The following WDR86 variants were observed in gnomAD, a reference collection of about 807,000 sequenced individuals.
WDR86 encodes the protein WD repeat domain 86, also known as WD repeat-containing protein 86.
In WDR86, 30 loss-of-function variants were observed where a neutral mutation model predicts 36.5. The ratio of observed to expected loss-of-function variants is 0.82; its 90% confidence interval spans 0.61 to 1.11. WDR86 has a LOEUF of 1.11. Among genes scored for constraint, WDR86 ranks in the 50% most tolerant of loss-of-function variants. The pLI, the probability that WDR86 is intolerant of heterozygous loss-of-function variation, is 0.00. For missense variants in WDR86, 545 were observed against 561.2 expected (o/e 0.97, Z 0.29); for synonymous variants, 255 against 252.9 (o/e 1.01, Z -0.08).
At chr7:151,382,118 G>A (rs1256796738) in intron 4 of WDR86, 137 bp from the exon 5 acceptor site, 2 of 705,184 alleles carry the variant, frequency 2.8e-6, no homozygotes, top group African/African-American at 3.6e-5. Context: ...TATGGGAAGT[G>A]GACAGTGCCC....
chr7:151,399,679 A>G (rs1800137156), intron 2 of WDR86, among the ~76,000 whole-genome samples: 1 of 152,246 alleles, frequency 6.6e-6, no homozygotes, highest in Non-Finnish European at 1.5e-5. Flanking sequence ...GCTTAAAAAT[A>G]TCCTCAACTC....
rs763992498 is a variant in WDR86, at chr7:151,391,570, C to T, written c.726+4206G>A. Reference sequence around the variant, plus strand: ...GGTCCGGCTGGATTCTGTTTCTCTGCGCACCGGGTCTGGGGCCCGACAGTC... The same window carrying T: ...GGTCCGGCTGGATTCTGTTTCTCTGTGCACCGGGTCTGGGGCCCGACAGTC... On this transcript the variant is annotated intron_variant, in intron 3 of 5. Transcript: ENST00000334493. Among the ~76,000 whole-genome samples the T allele has an allele frequency of 5.1e-4, 78 of 152,096 alleles. 1 individual carries two copies. Among genetic ancestry groups the T allele is most frequent in the Non-Finnish European group, 6.9e-4 (47 of 68,022 alleles).
At chr7:151,387,508 G>C (rs1470798875) in intron 3 of WDR86, among the ~76,000 whole-genome samples, 1 of 152,148 alleles carries the variant, frequency 6.6e-6, no homozygotes. Context: ...GGGTGGCCCA[G>C]GGAGGCCTGA....
chr7:151,374,441 T>G, downstream of WDR86: 1 of 704,572 alleles, frequency 1.4e-6, no homozygotes, highest in South Asian at 1.7e-5. Context: ...TGCTCAGTGC[T>G]TGGCCCAGGC....
At chr7:151,389,968 T>C (rs565310103) in intron 3 of WDR86, among the ~76,000 whole-genome samples, 1 of 152,236 alleles carries the variant, frequency 6.6e-6, no homozygotes, top group East Asian at 1.9e-4. Flanking sequence ...TGAGAGCAGT[T>C]TGTGGATGGG....
In WDR86 at chr7:151,381,813, A is replaced by T. The variant is rs1170567275; in HGVS notation, c.966+65T>A. 1.4e-6 allele frequency: 2 copies of T among 1,476,298 alleles called. No homozygotes were observed. Among genetic ancestry groups the T allele is most frequent in the Non-Finnish European group, 1.8e-6 (2 of 1,099,548 alleles). 91.4% of individuals were successfully genotyped at this position (1,476,298 alleles called of 1,614,324 possible). A position where few individuals can be genotyped will look rare whatever the true frequency, so the allele number is the denominator to read the frequency against. On this transcript the variant is annotated intron_variant, in intron 5 of 5. Transcript: ENST00000334493. The surrounding 1 kb of genome is among the most constrained non-coding windows in gnomAD (Gnocchi z 4.8). Reference sequence around the variant, plus strand: ...GGGGGGGACACCGCTGCCCGCGTGGATGGATCGGGGCGGGGCACCTTCCCT... The same window carrying T: ...GGGGGGGACACCGCTGCCCGCGTGGTTGGATCGGGGCGGGGCACCTTCCCT...
intron 3 of WDR86, among the ~76,000 whole-genome samples, chr7:151,385,447 C>T (rs1046689318): frequency 1.3e-5 from 2 of 152,202 alleles, no homozygotes; most frequent in Non-Finnish European, 2.9e-5. Flanking sequence ...CAGGGCTGGC[C>T]GCCCAGCCCC....
downstream of WDR86, chr7:151,376,966 G>C (rs1435297644): frequency 2.8e-6 from 4 of 1,426,204 alleles, no homozygotes; most frequent in East Asian, 1.0e-4. Flanking sequence ...AAGAGGCACA[G>C]TCTGAGGTTG....
chr7:151,400,075 A>G (rs773824777), intron 2 of WDR86, 25 bp downstream of exon 2: 4 of 1,529,634 alleles, frequency 2.6e-6, no homozygotes, highest in Admixed American at 1.9e-5. Flanking sequence ...GGTGAGACTC[A>G]GCCCAAGCCC....
chr7:151,400,649 C>T (rs987081377), intron 1 of WDR86, among the ~76,000 whole-genome samples: 11 of 152,226 alleles, frequency 7.2e-5, no homozygotes, highest in African/African-American at 2.7e-4. Flanking sequence ...TCCCAAAGTG[C>T]TGGAATTACA....
chr7:151,394,680 C>G (rs1276718436), intron 3 of WDR86, among the ~76,000 whole-genome samples: 1 of 152,262 alleles, frequency 6.6e-6, no homozygotes, highest in Non-Finnish European at 1.5e-5. Flanking sequence ...CTAAGGGCTG[C>G]CTGGCAGCAC....
In WDR86 at chr7:151,395,862, C is replaced by T. The variant is rs371934265; in HGVS notation, c.640G>A (p.Asp214Asn). The change falls in exon 3 of 6, where the codon GAC becomes AAC. Residue 214 changes from aspartate (D) to asparagine (N), a missense_variant. By Grantham distance (23) the Asp-to-Asn change is conservative. Coordinates refer to ENST00000334493, the MANE Select transcript of WDR86 (RefSeq NM_198285.3). The stretch of plus-strand genomic sequence containing the variant: ...ATGTCCCAGGCACGGATGGTGGCGT[C>T]GGTGCTGCCTGTGAAGGCCGTGTGG... ...PGHTAFTGST[D>N]ATIRAWDILS... 32 of 1,595,348 alleles carry T rather than the reference C, an allele frequency of 2.0e-5. No homozygotes were observed. The highest frequency in any genetic ancestry group is 2.7e-5 in the African/African-American group (2 of 74,542).
At chr7:151,379,939 G>A (rs1228024670), downstream of WDR86, among the ~76,000 whole-genome samples, 1 of 152,216 alleles carries the variant, frequency 6.6e-6, no homozygotes, top group African/African-American at 2.4e-5. Context: ...ACTCAAGGCG[G>A]TTCTCTGGCC....
chr7:151,376,631 T>C (rs1798283538), downstream of WDR86: 1 of 1,607,794 alleles, frequency 6.2e-7, no homozygotes, highest in Non-Finnish European at 8.5e-7. Context: ...CGCTCTCCCC[T>C]AGTTGGTGTA....
At chr7:151,382,936 ACCTAT>A in intron 4 of WDR86, among the ~76,000 whole-genome samples, 1 of 150,084 alleles carries the variant, frequency 6.7e-6, no homozygotes, top group Admixed American at 6.6e-5. Context: ...GTGCTGGGCT[ACCTAT>A]CTATCTGAGG....
At chr7:151,385,344 C>A in intron 3 of WDR86, 121 bp from the exon 4 acceptor site, 1 of 1,479,208 alleles carries the variant, frequency 6.8e-7, no homozygotes, top group Admixed American at 2.1e-5. Flanking sequence ...GGGTGAGCCT[C>A]GAATGGCCCC....
At chr7:151,377,961 T>C (rs1233052753), downstream of WDR86, 3 of 152,242 alleles carry the variant, frequency 2.0e-5, no homozygotes, top group African/African-American at 7.2e-5. Context: ...AAGCAATTTA[T>C]TTTTAATTAA....
intron 1 of WDR86, among the ~76,000 whole-genome samples, chr7:151,403,191 T>C (rs951693848): frequency 1.3e-5 from 2 of 151,860 alleles, no homozygotes; most frequent in Admixed American, 6.6e-5. Flanking sequence ...GTGGAATTTT[T>C]TTTCCTGGAT....
At chr7:151,371,659 C>A (rs1797964673), downstream of WDR86, among the ~76,000 whole-genome samples, 2 of 152,190 alleles carry the variant, frequency 1.3e-5, no homozygotes, top group African/African-American at 4.8e-5. Context: ...CCTATCGGAG[C>A]TTTAGATGAG....
Sources: allele counts gnomAD v4.1 joint callset (sites outside exome capture counted in the v4.1 genomes callset), GRCh38; gene constraint gnomAD v4.1.1; non-coding constraint Gnocchi (gnomAD v3.1); transcripts MANE v1.5; gene names NCBI Gene and HGNC (gene_info 2026-07-23, HGNC 2026-07-21).